The following CDK5RAP2 variants were observed in gnomAD, a reference collection of about 807,000 sequenced individuals.
CDK5RAP2 encodes the protein CDK5 regulatory subunit associated protein 2.
A neutral mutation model predicts 232.9 loss-of-function variants in CDK5RAP2; 147 were observed. That is an observed-to-expected ratio of 0.63 (90% CI 0.55 to 0.72). CDK5RAP2 has a LOEUF of 0.72. CDK5RAP2 is among the 30% of genes least tolerant of loss of function. The pLI is 0.00. For missense variants in CDK5RAP2, 2,195 were observed against 2,231.5 expected (o/e 0.98, Z 0.33); for synonymous variants, 833 against 833.7 (o/e 1.00, Z 0.01).
intron 17 of CDK5RAP2, among the ~76,000 whole-genome samples, chr9:120,468,881 A>G (rs2037532624): frequency 6.6e-6 from 1 of 152,234 alleles, no homozygotes; most frequent in Admixed American, 6.5e-5. Flanking sequence ...TAGCTCTTCA[A>G]ATAACATGGA....
chr9:120,489,898 C>T (rs2038809411), intron 13 of CDK5RAP2, among the ~76,000 whole-genome samples: 1 of 151,832 alleles, frequency 6.6e-6, no homozygotes, highest in Non-Finnish European at 1.5e-5. Flanking sequence ...ACCTCTGCCT[C>T]CCGGGTTCAA....
chr9:120,415,301 T>TGG (rs1345474194), intron 27 of CDK5RAP2, 142 bp from the exon 28 acceptor site: 1 of 890,086 alleles, frequency 1.1e-6, no homozygotes, highest in Non-Finnish European at 1.8e-6. Flanking sequence ...TTCCTAGGCA[T>TGG]GGGGAGGGTG....
intron 29 of CDK5RAP2, among the ~76,000 whole-genome samples, chr9:120,410,668 G>GA (rs2033792196): frequency 1.3e-5 from 2 of 152,306 alleles, no homozygotes; most frequent in South Asian, 4.1e-4. Context: ...ACTGACAGAG[G>GA]CCCCAATTTC....
At position 120,394,558 on chromosome 9, in the gene CDK5RAP2, C is replaced by T. The variant is rs746197980; in HGVS notation, c.5532G>A (p.Lys1844=). Residue 1844 remains lysine (K), a synonymous_variant, in exon 36 of 38, where the codon AAG becomes AAA. Transcript: ENST00000349780. The part of the protein sequence containing the change: ...EQEKKLQNTM[K]LLQLSKRQEK... ...CCTGGCGCTTGCTCAGCTGCAAAAG[C>T]TTCATGGTGTTTTGCAACTTCTTTT... is the stretch of plus-strand genomic sequence containing the variant. 11 of 1,614,074 alleles carry T rather than the reference C, an allele frequency of 6.8e-6. No individual in the cohort carries two copies. In the South Asian group the frequency reaches 1.1e-4, roughly 16 times the overall value.
chr9:120,409,152 G>C lies in CDK5RAP2; in HGVS notation c.4579C>G (p.Arg1527Gly). ...RHNQQLIQEV[R>G]CSGQELSRVQ... ...CTGCTCAGCTCCTGGCCGCTGCAGC[G>C]GACCTCCTGGATCAGCTGCTGGTTG... Residue 1527 changes from arginine (R) to glycine (G), a missense_variant, in exon 30 of 38, where the codon CGC becomes GGC. Coordinates refer to ENST00000349780, the MANE Select transcript of CDK5RAP2 (RefSeq NM_018249.6). 6.2e-7 allele frequency: 1 copy of C among 1,612,512 alleles called. No homozygotes were observed. Among genetic ancestry groups the C allele is most frequent in the Middle Eastern group, 2.0e-4 (1 of 5,014 alleles).
At chr9:120,503,987 G>C (rs1397239254) in intron 12 of CDK5RAP2, among the ~76,000 whole-genome samples, 2 of 152,066 alleles carry the variant, frequency 1.3e-5, no homozygotes, top group East Asian at 1.9e-4. Context: ...GCGAGGATTT[G>C]GTGCTTTTCA....
intron 21 of CDK5RAP2, among the ~76,000 whole-genome samples, chr9:120,450,285 A>G (rs1588369177): frequency 6.6e-6 from 1 of 152,372 alleles, no homozygotes; most frequent in African/African-American, 2.4e-5. Flanking sequence ...TTCCATTTAT[A>G]TGAAATAATC....
intron 15 of CDK5RAP2, among the ~76,000 whole-genome samples, 197 bp from the exon 16 acceptor site, chr9:120,472,075 T>A (rs948995284): frequency 2.6e-5 from 4 of 152,210 alleles, no homozygotes; most frequent in African/African-American, 9.7e-5. Context: ...TACTACCAAC[T>A]AACACACGGC....
chr9:120,495,777 C>A (rs2039176928), intron 12 of CDK5RAP2, among the ~76,000 whole-genome samples: 3 of 70,088 alleles, frequency 4.3e-5, no homozygotes, highest in Admixed American at 1.1e-4. Flanking sequence ...CCCGCCTGGC[C>A]AGCCGTGCCA....
At position 120,461,764 on chromosome 9, in the gene CDK5RAP2, C is replaced by A. The variant is rs183522134; in HGVS notation, c.2107-1097G>T. On this transcript the variant is annotated intron_variant, in intron 18 of 37. Coordinates refer to ENST00000349780, the MANE Select transcript of CDK5RAP2 (RefSeq NM_018249.6). Reference sequence around the variant, plus strand: ...GACTGAGGCAGGAGGATCACCTGAGCCCAGGGAGGTCGAGGCTGCAGTGAG... The same window carrying A: ...GACTGAGGCAGGAGGATCACCTGAGACCAGGGAGGTCGAGGCTGCAGTGAG... Among the ~76,000 whole-genome samples, 27 of 152,262 alleles carry A rather than the reference C, an allele frequency of 1.8e-4. No individual in the cohort carries two copies. In the East Asian group the frequency reaches 2.3e-3, roughly 13 times the overall value.
intron 1 of CDK5RAP2, among the ~76,000 whole-genome samples, chr9:120,576,881 G>C (rs2043052703): frequency 6.6e-6 from 1 of 152,050 alleles, no homozygotes; most frequent in South Asian, 2.1e-4. Flanking sequence ...TTTAAGACCA[G>C]CATGGGTAAC....
Position 120,389,131 on chromosome 9 carries a change from G to T in CDK5RAP2, c.*105C>A. On this transcript the variant is annotated 3_prime_UTR_variant, in exon 38 of 38. Coordinates refer to ENST00000349780, the MANE Select transcript of CDK5RAP2 (RefSeq NM_018249.6). ...GAAGGGAAAAAATAGATTTCCTTTG[G>T]CCAGACAGCTCTTTCTTCCTCAATA... The T allele has an allele frequency of 1.0e-6, 1 of 970,440 alleles. No homozygotes were observed. Among genetic ancestry groups the T allele is most frequent in the Non-Finnish European group, 1.6e-6 (1 of 624,754 alleles). 60.1% of individuals were successfully genotyped at this position (970,440 alleles called of 1,614,324 possible). A position where few individuals can be genotyped will look rare whatever the true frequency, so the allele number is the denominator to read the frequency against.
chr9:120,469,987 G>A, intron 17 of CDK5RAP2, 124 bp downstream of exon 17: 1 of 637,104 alleles, frequency 1.6e-6, no homozygotes, highest in Non-Finnish European at 2.9e-6. Flanking sequence ...CACACAACAA[G>A]GCAGAGGGGA....
intron 13 of CDK5RAP2, among the ~76,000 whole-genome samples, chr9:120,490,803 T>C (rs2038864991): frequency 6.6e-6 from 1 of 152,226 alleles, no homozygotes; most frequent in Non-Finnish European, 1.5e-5. Flanking sequence ...TATTCTTTCA[T>C]TGTTATTTTA....
intron 11 of CDK5RAP2, among the ~76,000 whole-genome samples, chr9:120,522,307 T>C (rs927230629): frequency 6.6e-6 from 1 of 152,340 alleles, no homozygotes; most frequent in Non-Finnish European, 1.5e-5. Flanking sequence ...ATATAAAGGA[T>C]GTATATGTAA....
At chr9:120,477,500 T>G in intron 14 of CDK5RAP2, 50 bp from the exon 15 acceptor site, 1 of 1,311,398 alleles carries the variant, frequency 7.6e-7, no homozygotes, top group Non-Finnish European at 1.1e-6. Context: ...TTTGAAAGAG[T>G]ACATCCTTAT....
At chr9:120,494,634 G>A (rs758426183) in intron 12 of CDK5RAP2, among the ~76,000 whole-genome samples, 1 of 152,072 alleles carries the variant, frequency 6.6e-6, no homozygotes, top group Non-Finnish European at 1.5e-5. Flanking sequence ...GCAGGAGGAG[G>A]AAGAGGACAG....
chr9:120,400,502 G>GT (rs1186785934), intron 35 of CDK5RAP2, among the ~76,000 whole-genome samples: 11 of 152,218 alleles, frequency 7.2e-5, no homozygotes, highest in African/African-American at 2.7e-4. Flanking sequence ...GTTCCCTCAT[G>GT]TGTAGAATGC....
intron 3 of CDK5RAP2, among the ~76,000 whole-genome samples, chr9:120,565,947 T>A (rs1266842769): frequency 1.3e-5 from 2 of 152,152 alleles, no homozygotes; most frequent in Non-Finnish European, 2.9e-5. Context: ...CCTGGCACAG[T>A]GGCATATATT....
Sources: allele counts gnomAD v4.1 joint callset (sites outside exome capture counted in the v4.1 genomes callset), GRCh38; gene constraint gnomAD v4.1.1; transcripts MANE v1.5; gene names NCBI Gene and HGNC (gene_info 2026-07-23, HGNC 2026-07-21).